Variants in IFFO1 observed in about 807,000 individuals in gnomAD.
IFFO1 encodes the protein non-homologous end joining factor IFFO1.
IFFO1 carries 42 observed loss-of-function variants against 59.6 expected under a neutral mutation model. That is an observed-to-expected ratio of 0.70 (90% CI 0.55 to 0.91). The LOEUF is 0.91. Among genes scored for constraint, IFFO1 ranks in the 40% least tolerant of loss-of-function variants. IFFO1 has a pLI of 0.00. For missense variants in IFFO1, 711 were observed against 793.2 expected, an observed-to-expected ratio of 0.90 and a Z score of 1.24; for synonymous variants, 336 against 342.8, an observed-to-expected ratio of 0.98 and a Z score of 0.22.
Position 6,548,800 on chromosome 12 carries a change from C to T in IFFO1, c.1130G>A (p.Arg377Gln), listed in dbSNP as rs779767123. The T allele has an allele frequency of 9.9e-6, 16 of 1,613,444 alleles. No homozygotes were observed. Among genetic ancestry groups the T allele is most frequent in the African/African-American group, 4.0e-5 (3 of 74,916 alleles). The change falls in exon 6 of 10, where the codon CGG becomes CAG. Residue 377 changes from arginine (R) to glutamine (Q), a missense_variant. Physicochemically the swap from Arg to Gln is conservative, Grantham distance 43. Around this residue, in one of 3 missense-constraint regions of IFFO1, gnomAD observed 579 missense variants for 650.3 expected, o/e 0.89. Coordinates refer to ENST00000619571, the MANE Select transcript of IFFO1 (RefSeq NM_001193457.2). The surrounding 1 kb of genome is among the most constrained non-coding windows in gnomAD (Gnocchi z 6.1). Reference sequence around the variant, plus strand: ...CTCCTCGACGGCAGCCTTGCGCTCCCGCTTCCGCCCCCCCATGGATGGGAC... The same window carrying T: ...CTCCTCGACGGCAGCCTTGCGCTCCTGCTTCCGCCCCCCCATGGATGGGAC... ...IKVPSMGGRK[R>Q]ERKAAVEEDT... is the part of the protein sequence containing the mutation.
chr12:6,552,341 C>T (rs1384761208), intron 1 of IFFO1, among the ~76,000 whole-genome samples: 1 of 152,152 alleles, frequency 6.6e-6, no homozygotes, highest in East Asian at 1.9e-4. Context: ...GCCAGCCCAG[C>T]CACCACCCTG....
chr12:6,551,288 C>T (rs1035282259), intron 1 of IFFO1: 59 of 645,452 alleles, frequency 9.1e-5, no homozygotes, highest in Non-Finnish European at 1.2e-4. Context: ...TCCGGTCCTC[C>T]GTGATGCCCA....
At chr12:6,550,354 C>G in intron 3 of IFFO1, 1 of 429,424 alleles carries the variant, frequency 2.3e-6, no homozygotes, top group South Asian at 3.2e-5. Context: ...TCCTGCAGAG[C>G]GCACGCGTTT....
intron 1 of IFFO1, chr12:6,551,782 T>C (rs1947250477): frequency 3.1e-6 from 1 of 321,940 alleles, no homozygotes; most frequent in Non-Finnish European, 6.2e-6. Context: ...AGACACAGCC[T>C]GTTCCAGGGC....
Position 6,540,298 on chromosome 12 carries a change from T to C in IFFO1, c.*185A>G, listed in dbSNP as rs1015362346. Reference sequence around the variant, plus strand: ...CCAGAATGGTAGGGCCAAGCCTAGCTCCAGACACCCCAGAGCCCTGGAGAA... The same window carrying C: ...CCAGAATGGTAGGGCCAAGCCTAGCCCCAGACACCCCAGAGCCCTGGAGAA... On this transcript the variant is annotated 3_prime_UTR_variant, in exon 10 of 10. Coordinates refer to ENST00000619571, the MANE Select transcript of IFFO1 (RefSeq NM_001193457.2). The C allele has an allele frequency of 9.9e-6, 6 of 609,110 alleles. No homozygotes were observed. The highest frequency in any genetic ancestry group is 1.8e-5 in the Non-Finnish European group (6 of 342,078). 37.7% of individuals were successfully genotyped at this position (609,110 alleles called of 1,614,324 possible). A position where few individuals can be genotyped will look rare whatever the true frequency, so the allele number is the denominator to read the frequency against.
Position 6,555,953 on chromosome 12 carries a change from G to T in IFFO1, c.77C>A (p.Ser26Ter). ...QQGLAGPLGD[S>*]LGGDHFAGGG... Reference sequence around the variant, plus strand: ...CCCGGCGAAGTGGTCGCCTCCCAGTGAGTCCCCCAGTGGCCCGGCCAGGCC... The same window carrying T: ...CCCGGCGAAGTGGTCGCCTCCCAGTTAGTCCCCCAGTGGCCCGGCCAGGCC... Residue 26 changes from serine (S) to a stop codon, truncating the protein, a stop_gained, in exon 1 of 10, where the codon TCA becomes TAA. Coordinates refer to ENST00000619571, the MANE Select transcript of IFFO1 (RefSeq NM_001193457.2). LOFTEE classifies it high-confidence loss of function. This position sits in a 1 kb window ranked among gnomAD's most constrained non-coding sequence, Gnocchi z 8.6. 6.4e-7 allele frequency: 1 copy of T among 1,559,700 alleles called. No homozygotes were observed. The highest frequency in any genetic ancestry group is 8.6e-7 in the Non-Finnish European group (1 of 1,159,060).
At chr12:6,539,169 A>G (rs1354176975), downstream of IFFO1, 1 of 152,230 alleles carries the variant, frequency 6.6e-6, no homozygotes, top group Non-Finnish European at 1.5e-5. Context: ...ACAAAAGTAC[A>G]TACCTCGGTA....
chr12:6,552,627 C>T (rs1947279389), intron 1 of IFFO1, among the ~76,000 whole-genome samples: 1 of 152,206 alleles, frequency 6.6e-6, no homozygotes, highest in South Asian at 2.1e-4. Context: ...CTGTCAAGGG[C>T]ACGCTAACCC....
In IFFO1 at chr12:6,548,405, A is replaced by C; in HGVS notation, c.1383+20T>G. Reference sequence around the variant, plus strand: ...GGAGAGGCAGAGCCAGAGGGCCCTGAGGCCGGGAGCAGAGGTTACCTCTCC... The same window carrying C: ...GGAGAGGCAGAGCCAGAGGGCCCTGCGGCCGGGAGCAGAGGTTACCTCTCC... On this transcript the variant is annotated intron_variant, in intron 7 of 9. Transcript: ENST00000619571. This position sits in a 1 kb window ranked among gnomAD's most constrained non-coding sequence, Gnocchi z 6.1. 1 of 1,594,542 alleles carries C rather than the reference A, an allele frequency of 6.3e-7. No homozygotes were observed. Among genetic ancestry groups the C allele is most frequent in the South Asian group, 1.1e-5 (1 of 87,484 alleles).
Position 6,549,735 on chromosome 12 carries a change from A to T in IFFO1, c.1071+21T>A. On this transcript the variant is annotated intron_variant, in intron 4 of 9. Coordinates refer to ENST00000619571, the MANE Select transcript of IFFO1 (RefSeq NM_001193457.2). The surrounding 1 kb of genome is among the most constrained non-coding windows in gnomAD (Gnocchi z 5.0). Reference sequence around the variant, plus strand: ...ACCTGCCCCACCCACCCCTGAGAGCAGAGGGCAGCTCCGTCCTCACCTGGA... The same window carrying T: ...ACCTGCCCCACCCACCCCTGAGAGCTGAGGGCAGCTCCGTCCTCACCTGGA... The T allele has an allele frequency of 6.2e-7, 1 of 1,601,722 alleles. No homozygotes were observed. The highest frequency in any genetic ancestry group is 8.5e-7 in the Non-Finnish European group (1 of 1,170,452).
rs1947438384 is a variant in IFFO1, at chr12:6,556,042, T to C, written c.-13A>G. On this transcript the variant is annotated 5_prime_UTR_variant, in exon 1 of 10. Coordinates refer to ENST00000619571, the MANE Select transcript of IFFO1 (RefSeq NM_001193457.2). Reference sequence around the variant, plus strand: ...ATAACGGATTCATGGCTGCGCCTTCTGCTGGGAGATGCAGACCGGTGCAGG... The same window carrying C: ...ATAACGGATTCATGGCTGCGCCTTCCGCTGGGAGATGCAGACCGGTGCAGG... The C allele has an allele frequency of 6.4e-7, 1 of 1,569,064 alleles. No homozygotes were observed. Among genetic ancestry groups the C allele is most frequent in the South Asian group, 1.1e-5 (1 of 87,152 alleles).
chr12:6,551,611 G>T, intron 1 of IFFO1: 1 of 570,014 alleles, frequency 1.8e-6, no homozygotes, highest in South Asian at 1.5e-5. Flanking sequence ...CCTCCTCTAA[G>T]GGAGTCACAG....
chr12:6,551,124 G>A (rs983828798), intron 1 of IFFO1, 123 bp from the exon 2 acceptor site: 1 of 944,638 alleles, frequency 1.1e-6, no homozygotes, highest in African/African-American at 1.6e-5. Context: ...TGGATGGGGA[G>A]GAGCAGGGCA....
In IFFO1 at chr12:6,541,508, C is replaced by CT; in HGVS notation, c.1610+3dup. 6.2e-7 allele frequency: 1 copy of CT among 1,613,528 alleles called. No homozygotes were observed. On this transcript the variant is annotated splice_donor_region_variant and intron_variant, in intron 9 of 9. Transcript: ENST00000619571. This position sits in a 1 kb window ranked among gnomAD's most constrained non-coding sequence, Gnocchi z 4.8. ...AAGGCCCCATGCCCAGGGGAGGCGC[C>CT]TACCGGTCTCCAGACTGGGTGATGA...
chr12:6,541,428 G>A lies in IFFO1; in HGVS notation c.1610+84C>T. 1 of 1,546,290 alleles carries A rather than the reference G, an allele frequency of 6.5e-7. No individual in the cohort carries two copies. The highest frequency in any genetic ancestry group is 8.8e-7 in the Non-Finnish European group (1 of 1,137,308). ...CACAGCAAGATGTGACCCAGTCATT[G>A]CCTGAGGGTCTCTGGGGCTGTGTTC... On this transcript the variant is annotated intron_variant, in intron 9 of 9. Transcript: ENST00000619571. This position sits in a 1 kb window ranked among gnomAD's most constrained non-coding sequence, Gnocchi z 4.8.
In IFFO1 at chr12:6,555,430, C is replaced by A. The variant is rs748868399; in HGVS notation, c.600G>T (p.Ser200=). 5 of 1,613,832 alleles carry A rather than the reference C, an allele frequency of 3.1e-6. No homozygotes were observed. The highest frequency in any genetic ancestry group is 2.2e-5 in the East Asian group (1 of 44,844). Residue 200 remains serine (S), a synonymous_variant, in exon 1 of 10, where the codon TCG becomes TCT. Transcript: ENST00000619571. The surrounding 1 kb of genome is among the most constrained non-coding windows in gnomAD (Gnocchi z 8.6). The part of the protein sequence containing the change: ...RFMPGTIWSF[S]HARRLGPGLE... The stretch of plus-strand genomic sequence containing the variant: ...GTCCCGGCCCGAGCCGGCGGGCGTG[C>A]GAGAACGACCAGATGGTGCCGGGCA...
Position 6,548,806 on chromosome 12 carries a change from C to T in IFFO1, c.1124G>A (p.Arg375Gln), listed in dbSNP as rs374531073. ...GACGGCAGCCTTGCGCTCCCGCTTC[C>T]GCCCCCCCATGGATGGGACCTTAAT... ...SPIKVPSMGG[R>Q]KRERKAAVEE... is the part of the protein sequence containing the mutation. The change falls in exon 6 of 10, where the codon CGG becomes CAG. Residue 375 changes from arginine to glutamine, a missense_variant. Transcript: ENST00000619571. This position sits in a 1 kb window ranked among gnomAD's most constrained non-coding sequence, Gnocchi z 6.1. 91 of 1,613,266 alleles carry T rather than the reference C, an allele frequency of 5.6e-5. No individual in the cohort carries two copies. The highest frequency in any genetic ancestry group is 3.3e-4 in the Middle Eastern group (2 of 6,084).
rs1947083945 is a variant in IFFO1 at position 6,548,671 on chromosome 12, T to G, written c.1259A>C (p.Gln420Pro). ...INEEMQRMLN[Q>P]LREYDFEDDC... ...GGAGCACGGCCTGCGGACTCACAGC[T>G]GGTTGAGCATGCGCTGCATCTCCTC... Residue 420 changes from glutamine (Q) to proline (P), a missense_variant, in exon 6 of 10, where the codon CAG becomes CCG. By Grantham distance (76) the Gln-to-Pro change is moderately conservative. Coordinates refer to ENST00000619571, the MANE Select transcript of IFFO1 (RefSeq NM_001193457.2). The surrounding 1 kb of genome is among the most constrained non-coding windows in gnomAD (Gnocchi z 6.1). The G allele has an allele frequency of 6.2e-7, 1 of 1,613,972 alleles. No homozygotes were observed. Among genetic ancestry groups the G allele is most frequent in the East Asian group, 2.2e-5 (1 of 44,886 alleles).
intron 1 of IFFO1, chr12:6,551,311 C>T: frequency 1.3e-6 from 1 of 782,832 alleles, no homozygotes; most frequent in Non-Finnish European, 1.9e-6. Context: ...CCTGCTCAGG[C>T]CCCAGCTCAG....
Sources: gnomAD v4.1 joint callset for allele counts (sites outside exome capture counted in the v4.1 genomes callset) on GRCh38, gnomAD v4.1.1 for gene constraint, gnomAD v4.1.1 regional missense constraint, Gnocchi (gnomAD v3.1) non-coding constraint, MANE v1.5 for transcripts, NCBI Gene and HGNC (gene_info 2026-07-23, HGNC 2026-07-21) for gene names.